MS4A1: variants seen among roughly 807,000 people sequenced by gnomAD.
MS4A1 encodes membrane spanning 4-domains A1.
In MS4A1, 16 loss-of-function variants were observed where a neutral mutation model predicts 26.5. That is an observed-to-expected ratio of 0.60 (90% CI 0.41 to 0.92). The LOEUF is 0.92. Among genes scored for constraint, MS4A1 ranks in the 40% least tolerant of loss-of-function variants. MS4A1 has a pLI of 0.00. For synonymous variants in MS4A1, 128 were observed against 117.6 expected (o/e 1.09, Z -0.57); for missense variants, 350 against 353.0 (o/e 0.99, Z 0.07).
chr11:60,456,827 C>A (rs1369903926), intron 1 of MS4A1, among the ~76,000 whole-genome samples: 1 of 152,094 alleles, frequency 6.6e-6, no homozygotes. Context: ...GACAAGGTTT[C>A]TCCATGTTGG....
At chr11:60,456,560 G>A (rs1210125569) in intron 1 of MS4A1, among the ~76,000 whole-genome samples, 1 of 152,154 alleles carries the variant, frequency 6.6e-6, no homozygotes, top group African/African-American at 2.4e-5. Context: ...ATGAAATCCT[G>A]CCTCAAATCT....
At position 60,467,152 on chromosome 11, in the gene MS4A1, G is replaced by A. The variant is rs2086299053; in HGVS notation, c.675+92G>A. 1.3e-5 allele frequency: 14 copies of A among 1,083,174 alleles called. No individual in the cohort carries two copies. In the Admixed American group the frequency reaches 2.3e-4, roughly 18 times the overall value. 67.1% of individuals were successfully genotyped at this position (1,083,174 alleles called of 1,614,324 possible). ...GGAGAATGTAATCTGATGAGTTGTT[G>A]AAACTAGGAGCTTGATTTAAAAAAA... is the stretch of plus-strand genomic sequence containing the variant. On this transcript the variant is annotated intron_variant, in intron 7 of 7. Transcript: ENST00000345732.
intron 1 of MS4A1, among the ~76,000 whole-genome samples, chr11:60,458,986 A>T (rs2086226613): frequency 6.6e-6 from 1 of 152,194 alleles, no homozygotes; most frequent in Non-Finnish European, 1.5e-5. Context: ...TCACACACAC[A>T]CACACACAGC....
rs944241460 is a variant in MS4A1 at position 60,463,120 on chromosome 11, T to C, written c.278T>C (p.Met93Thr). 3.1e-6 allele frequency: 5 copies of C among 1,614,150 alleles called. No individual in the cohort carries two copies. In the South Asian group the frequency reaches 4.4e-5, roughly 14 times the overall value. ...TGGTACCCTCTCTGGGGAGGCATTA[T>C]GGTGAGTAAAAGAATAGCAGCCATT... ...TVWYPLWGGI[M>T]YIISGSLLAA... Residue 93 changes from methionine (M) to threonine (T), a missense_variant and splice_region_variant, in exon 4 of 8, where the codon ATG (methionine) becomes ACG (threonine). By Grantham distance (81) the Met-to-Thr change is moderately conservative. Coordinates refer to ENST00000345732, the MANE Select transcript of MS4A1 (RefSeq NM_152866.3).
rs201665706 is a variant in MS4A1 at position 60,464,319 on chromosome 11, C to G, written c.311C>G (p.Thr104Arg). 11 of 1,612,828 alleles carry G rather than the reference C, an allele frequency of 6.8e-6. No individual in the cohort carries two copies. Among genetic ancestry groups the G allele is most frequent in the Non-Finnish European group, 4.2e-6 (5 of 1,179,470 alleles). The stretch of plus-strand genomic sequence containing the variant: ...ATTTCCGGATCACTCCTGGCAGCAA[C>G]GGAGAAAAACTCCAGGAAGTGTTTG... Reference protein sequence around the residue: ...YIISGSLLAATEKNSRKCLVK... With the variant: ...YIISGSLLAAREKNSRKCLVK... The change falls in exon 5 of 8, where the codon ACG (threonine) becomes AGG (arginine). Residue 104 changes from threonine (T) to arginine (R), a missense_variant. Coordinates refer to ENST00000345732, the MANE Select transcript of MS4A1 (RefSeq NM_152866.3).
intron 2 of MS4A1, 82 bp from the exon 3 acceptor site, chr11:60,462,103 C>T: frequency 3.7e-6 from 2 of 547,498 alleles, no homozygotes; most frequent in Non-Finnish European, 6.8e-6. Flanking sequence ...AAGAATGCCC[C>T]AAACCCAGTT....
chr11:60,457,410 C>G (rs1023599616), intron 1 of MS4A1, among the ~76,000 whole-genome samples: 9 of 152,204 alleles, frequency 5.9e-5, no homozygotes, highest in East Asian at 1.9e-4. Flanking sequence ...TCACTCAAAA[C>G]AGTGATCGGG....
rs566361606 is a variant in MS4A1, at chr11:60,457,889, A to G, written c.-280+1944A>G. ...AAGTGAGCCTGGGCAGTGGGCAAGGACATTGCTAGATTAAAAGAAGAGGAC... is the reference window on the plus strand; with the variant it reads ...AAGTGAGCCTGGGCAGTGGGCAAGGGCATTGCTAGATTAAAAGAAGAGGAC... On this transcript the variant is annotated intron_variant, in intron 1 of 7. Coordinates refer to ENST00000345732, the MANE Select transcript of MS4A1 (RefSeq NM_152866.3). Among the ~76,000 whole-genome samples the G allele has an allele frequency of 5.9e-5, 9 of 152,326 alleles. No homozygotes were observed. The South Asian group carries it at 1.9e-3, about 32-fold the overall frequency.
Position 60,462,327 on chromosome 11 carries a change from T to A in MS4A1, c.-48T>A. ...AGACTGCCAAAAATCTTGTTCTTGC[T>A]CTCCTCATTTTGTTATTTGTTTTAT... On this transcript the variant is annotated 5_prime_UTR_variant, in exon 3 of 8. Coordinates refer to ENST00000345732, the MANE Select transcript of MS4A1 (RefSeq NM_152866.3). 1 of 1,608,614 alleles carries A rather than the reference T, an allele frequency of 6.2e-7. No individual in the cohort carries two copies. Among genetic ancestry groups the A allele is most frequent in the Non-Finnish European group, 8.5e-7 (1 of 1,175,104 alleles).
chr11:60,457,368 G>A (rs1195201128), intron 1 of MS4A1, among the ~76,000 whole-genome samples: 1 of 152,124 alleles, frequency 6.6e-6, no homozygotes, highest in Non-Finnish European at 1.5e-5. Context: ...GTAATGACAG[G>A]CCAGCAAAGG....
rs2086334090 is a variant in MS4A1, at chr11:60,470,371, A to C, written c.*1903A>C. The C allele has an allele frequency of 1.3e-5, 2 of 152,082 alleles. No homozygotes were observed. Among genetic ancestry groups the C allele is most frequent in the Admixed American group, 1.3e-4 (2 of 15,266 alleles). The allele number at this position is 152,082 out of a possible 1,614,324, so 9.4% of individuals were successfully genotyped here. On this transcript the variant is annotated 3_prime_UTR_variant, in exon 8 of 8. Transcript: ENST00000345732. The stretch of plus-strand genomic sequence containing the variant: ...ATGAAAGTCAGAAATCTTTAAAAAA[A>C]TACAAGATCTTATTTCTATCTTATT...
intron 5 of MS4A1, among the ~76,000 whole-genome samples, chr11:60,465,252 C>A (rs539978276): frequency 3.3e-5 from 5 of 152,278 alleles, no homozygotes; most frequent in Admixed American, 6.5e-5. Flanking sequence ...CTGTTTCAAC[C>A]TTTTATCATC....
At position 60,468,405 on chromosome 11, in the gene MS4A1, G is replaced by C. The variant is rs760137995; in HGVS notation, c.831G>C (p.Thr277=). ...IQEEEEEETE[T]NFPEPPQDQE... is the part of the protein sequence containing the mutation. Reference sequence around the variant, plus strand: ...AAGAGGAAGAAGAAGAAACAGAGACGAACTTTCCAGAACCTCCCCAAGATC... The same window carrying C: ...AAGAGGAAGAAGAAGAAACAGAGACCAACTTTCCAGAACCTCCCCAAGATC... The change falls in exon 8 of 8, where the codon ACG becomes ACC. Residue 277 remains threonine, a synonymous_variant. Transcript: ENST00000345732. 6.2e-6 allele frequency: 10 copies of C among 1,613,976 alleles called. No homozygotes were observed. The highest frequency in any genetic ancestry group is 8.5e-6 in the Non-Finnish European group (10 of 1,180,004).
chr11:60,459,130 A>G (rs995734873), intron 1 of MS4A1, among the ~76,000 whole-genome samples: 1 of 152,250 alleles, frequency 6.6e-6, no homozygotes, highest in African/African-American at 2.4e-5. Flanking sequence ...AATTAAAACA[A>G]TGGCAGTCCA....
At chr11:60,461,935 C>T (rs1179657568) in intron 2 of MS4A1, among the ~76,000 whole-genome samples, 1 of 152,182 alleles carries the variant, frequency 6.6e-6, no homozygotes, top group African/African-American at 2.4e-5. Context: ...GCAATGTTGC[C>T]TCTGGCCCAT....
At chr11:60,465,743 G>T in intron 5 of MS4A1, 178 bp from the exon 6 acceptor site, 1 of 618,122 alleles carries the variant, frequency 1.6e-6, no homozygotes. Flanking sequence ...AAAAGAACAG[G>T]ATAGAGACAT....
chr11:60,459,676 T>C (rs2086232313), intron 1 of MS4A1, among the ~76,000 whole-genome samples: 1 of 152,208 alleles, frequency 6.6e-6, no homozygotes, highest in South Asian at 2.1e-4. Context: ...TAGAGTGGCT[T>C]GTTGTACAAA....
Position 60,469,504 on chromosome 11 carries a change from G to A in MS4A1, c.*1036G>A, listed in dbSNP as rs186969494. The A allele has an allele frequency of 6.6e-6, 1 of 152,106 alleles. No individual in the cohort carries two copies. The highest frequency in any genetic ancestry group is 1.5e-5 in the Non-Finnish European group (1 of 67,988). 9.4% of individuals were successfully genotyped at this position (152,106 alleles called of 1,614,324 possible). On this transcript the variant is annotated 3_prime_UTR_variant, in exon 8 of 8. Transcript: ENST00000345732. ...TGTCTGCATAAACTGTGAGAGCCAAGTCAACAGCTTTTATCAAGAATTTAC... is the reference window on the plus strand; with the variant it reads ...TGTCTGCATAAACTGTGAGAGCCAAATCAACAGCTTTTATCAAGAATTTAC...
chr11:60,469,980 GA>G lies in MS4A1; in HGVS notation c.*1513del, dbSNP rs763360319. 8.5e-5 allele frequency: 13 copies of G among 152,170 alleles called. No homozygotes were observed. The highest frequency in any genetic ancestry group is 1.8e-4 in the Non-Finnish European group (12 of 67,934). The allele number at this position is 152,170 out of a possible 1,614,324, so 9.4% of individuals were successfully genotyped here. ...ATTCCCCAAAATTAGAAAAAAAGGA[GA>G]TAGAAGATTTCTGTCTATGTAAAGT... On this transcript the variant is annotated 3_prime_UTR_variant, in exon 8 of 8. Coordinates refer to ENST00000345732, the MANE Select transcript of MS4A1 (RefSeq NM_152866.3).
Sources: gnomAD v4.1 joint callset for allele counts (sites outside exome capture counted in the v4.1 genomes callset) on GRCh38, gnomAD v4.1.1 for gene constraint, MANE v1.5 for transcripts, NCBI Gene and HGNC (gene_info 2026-07-23, HGNC 2026-07-21) for gene names.